Variants in DLG2 observed in about 807,000 individuals in gnomAD.
DLG2 encodes the protein discs large MAGUK scaffold protein 2.
DLG2 carries 45 observed loss-of-function variants against 132.5 expected under a neutral mutation model. That is an observed-to-expected ratio of 0.34 (90% CI 0.27 to 0.44). DLG2 has a LOEUF of 0.44. Among genes scored for constraint, DLG2 ranks in the 20% least tolerant of loss-of-function variants. DLG2 has a pLI of 1.00. For missense variants in DLG2, 1,045 were observed against 1,196.9 expected (o/e 0.87, Z 1.87); for synonymous variants, 424 against 419.6 (o/e 1.01, Z -0.13).
rs2135887756 is a variant in DLG2 at position 83,457,813 on chromosome 11, T to G, written c.*2005A>C. ...CATATCTTTAACATTTTGAGCAATC[T>G]AAGGAAGTCTCTGGAAATTTAACTT... On this transcript the variant is annotated 3_prime_UTR_variant, in exon 28 of 28. Coordinates refer to ENST00000376104, the MANE Select transcript of DLG2 (RefSeq NM_001142699.3). 6.5e-6 allele frequency: 1 copy of G among 152,698 alleles called. No homozygotes were observed. The highest frequency in any genetic ancestry group is 2.4e-5 in the African/African-American group (1 of 41,540). 9.5% of individuals were successfully genotyped at this position (152,698 alleles called of 1,614,324 possible). A position where few individuals can be genotyped will look rare whatever the true frequency, so the allele number is the denominator to read the frequency against.
chr11:84,293,797 G>T (rs1247155576), intron 7 of DLG2, among the ~76,000 whole-genome samples: 2 of 152,216 alleles, frequency 1.3e-5, no homozygotes, highest in Non-Finnish European at 2.9e-5. Context: ...GTGAAGAGAT[G>T]ATTATATGGA....
intron 25 of DLG2, among the ~76,000 whole-genome samples, chr11:83,468,885 T>C (rs2091598140): frequency 6.6e-6 from 1 of 152,150 alleles, no homozygotes; most frequent in South Asian, 2.1e-4. Flanking sequence ...AATTCAGGAA[T>C]GCTATCCCCT....
At chr11:83,758,454 C>T (rs1432358579) in intron 18 of DLG2, among the ~76,000 whole-genome samples, 1 of 152,142 alleles carries the variant, frequency 6.6e-6, no homozygotes, top group Non-Finnish European at 1.5e-5. Context: ...GGCTTCTATT[C>T]TCTAGTCACA....
intron 18 of DLG2, among the ~76,000 whole-genome samples, chr11:83,671,667 T>G (rs2076845908): frequency 6.6e-6 from 1 of 152,204 alleles, no homozygotes; most frequent in Non-Finnish European, 1.5e-5. Context: ...TTATTTATTT[T>G]TTGTTTCATC....
At chr11:83,518,172 G>T (rs1002891798) in intron 21 of DLG2, among the ~76,000 whole-genome samples, 1 of 152,246 alleles carries the variant, frequency 6.6e-6, no homozygotes, top group Admixed American at 6.5e-5. Flanking sequence ...GCTCCACCCA[G>T]TTTGAGCTTC....
chr11:83,890,483 T>C (rs926247747), intron 15 of DLG2, among the ~76,000 whole-genome samples: 31 of 152,144 alleles, frequency 2.0e-4, no homozygotes, highest in African/African-American at 6.5e-4. Context: ...CCTCTCCTAC[T>C]TTATTGAGTG....
chr11:85,573,181 A>C lies in DLG2; in HGVS notation c.40+25476T>G, dbSNP rs116035743. ...GTGTCATACTTGTACAGACTGAAGAACCATAAACCAATTAAATCTCTCTCA... is the reference window on the plus strand; with the variant it reads ...GTGTCATACTTGTACAGACTGAAGACCCATAAACCAATTAAATCTCTCTCA... On this transcript the variant is annotated intron_variant, in intron 3 of 27. Transcript: ENST00000376104. 8.8e-3 allele frequency among the ~76,000 whole-genome samples: 1,341 copies of C among 152,276 alleles called. 13 individuals are homozygous for C. Among genetic ancestry groups the C allele is most frequent in the African/African-American group, 0.03 (1,265 of 41,554 alleles).
At chr11:84,606,304 A>G (rs534508540) in intron 6 of DLG2, among the ~76,000 whole-genome samples, 1 of 152,266 alleles carries the variant, frequency 6.6e-6, no homozygotes, top group African/African-American at 2.4e-5. Context: ...TTTTATGCGT[A>G]CATGATAACA....
intron 3 of DLG2, among the ~76,000 whole-genome samples, chr11:85,398,753 A>G (rs529840926): frequency 1.7e-4 from 26 of 152,278 alleles, no homozygotes; most frequent in Admixed American, 6.5e-4. Flanking sequence ...GAATAACCCA[A>G]TAACAGGTTC....
At chr11:83,667,620 G>A (rs2075868959) in intron 18 of DLG2, among the ~76,000 whole-genome samples, 1 of 152,170 alleles carries the variant, frequency 6.6e-6, no homozygotes, top group Non-Finnish European at 1.5e-5. Context: ...AATTAGTGAT[G>A]TTCTCTTCAG....
At chr11:83,741,390 T>C (rs988668247) in intron 18 of DLG2, among the ~76,000 whole-genome samples, 2 of 152,160 alleles carry the variant, frequency 1.3e-5, no homozygotes. Context: ...GATATGATTC[T>C]ATACCAAGAA....
At chr11:85,027,736 G>A (rs2060655040) in intron 6 of DLG2, among the ~76,000 whole-genome samples, 1 of 152,196 alleles carries the variant, frequency 6.6e-6, no homozygotes, top group African/African-American at 2.4e-5. Context: ...ACCTGCATCT[G>A]GATAAGGGGA....
At chr11:84,602,711 A>G (rs910219431) in intron 6 of DLG2, among the ~76,000 whole-genome samples, 1 of 151,994 alleles carries the variant, frequency 6.6e-6, no homozygotes, top group Admixed American at 6.6e-5. Flanking sequence ...GCTCTGGAAT[A>G]TTCTCATTTG....
At chr11:85,407,139 G>A (rs1211477791) in intron 3 of DLG2, among the ~76,000 whole-genome samples, 3 of 151,876 alleles carry the variant, frequency 2.0e-5, no homozygotes, top group Non-Finnish European at 4.4e-5. Context: ...GAAGTCGAAA[G>A]AGTAGTGGAG....
chr11:84,674,040 C>T (rs2099708794), intron 6 of DLG2, among the ~76,000 whole-genome samples: 1 of 152,150 alleles, frequency 6.6e-6, no homozygotes, highest in Admixed American at 6.6e-5. Context: ...ACAAAACTCA[C>T]ATAATGTAGG....
At chr11:84,694,616 C>G (rs1262955074) in intron 6 of DLG2, among the ~76,000 whole-genome samples, 2 of 151,412 alleles carry the variant, frequency 1.3e-5, no homozygotes, top group Admixed American at 1.3e-4. Context: ...TACTGGCCTA[C>G]TTTGTTTTAT....
intron 11 of DLG2, among the ~76,000 whole-genome samples, chr11:84,014,365 A>G (rs1258890353): frequency 6.6e-6 from 1 of 152,172 alleles, no homozygotes; most frequent in African/African-American, 2.4e-5. Context: ...TACTTTCCCA[A>G]TGTCTTTTAT....
At chr11:83,873,112 C>G (rs914127560) in intron 16 of DLG2, among the ~76,000 whole-genome samples, 39 of 152,258 alleles carry the variant, frequency 2.6e-4, no homozygotes, top group Non-Finnish European at 4.4e-4. Context: ...AAAGTCTTTT[C>G]GTACCACATT....
At chr11:84,502,542 C>G (rs867972385) in intron 7 of DLG2, among the ~76,000 whole-genome samples, 2 of 150,814 alleles carry the variant, frequency 1.3e-5, no homozygotes, top group Admixed American at 1.3e-4. Context: ...ACTACAGGGT[C>G]CCGCCACCAT....
Sources: allele counts gnomAD v4.1 joint callset (sites outside exome capture counted in the v4.1 genomes callset), GRCh38; gene constraint gnomAD v4.1.1; transcripts MANE v1.5; gene names NCBI Gene and HGNC (gene_info 2026-07-23, HGNC 2026-07-21).